The following NPAS3 variants were observed in gnomAD, a reference collection of about 807,000 sequenced individuals.
NPAS3 encodes the protein neuronal PAS domain-containing protein 3.
NPAS3 carries 14 observed loss-of-function variants against 73.1 expected under a neutral mutation model. The ratio of observed to expected loss-of-function variants is 0.19; its 90% CI spans 0.13 to 0.30. The LOEUF (loss-of-function observed/expected upper bound fraction) is 0.30, where lower values mean the gene tolerates loss of function less well. NPAS3 is among the 10% of genes least tolerant of loss of function. NPAS3 has a pLI of 1.00. For synonymous variants in NPAS3, 620 were observed against 541.5 expected, an observed-to-expected ratio of 1.14 and a Z score of -2.01; for missense variants, 1,096 against 1,250.0, an observed-to-expected ratio of 0.88 and a Z score of 1.86.
rs75597192 is a variant in NPAS3, at chr14:33,324,196, T to C, written c.386-42990T>C. 8.3e-3 allele frequency among the ~76,000 whole-genome samples: 1,265 copies of C among 152,288 alleles called. 21 individuals are homozygous for C. The highest frequency in any genetic ancestry group is 0.027 in the African/African-American group (1,106 of 41,554). ...GAGCATTTGCACACTGTTAATTGAATTGGCAATTTGTGTAACAGTGCCTGC... is the reference window on the plus strand; with the variant it reads ...GAGCATTTGCACACTGTTAATTGAACTGGCAATTTGTGTAACAGTGCCTGC... On this transcript the variant is annotated intron_variant, in intron 3 of 11. Coordinates refer to ENST00000356141, the Ensembl canonical transcript of NPAS3.
At chr14:33,462,509 C>T (rs141154349) in intron 4 of NPAS3, among the ~76,000 whole-genome samples, 5 of 152,170 alleles carry the variant, frequency 3.3e-5, no homozygotes, top group South Asian at 4.1e-4. Context: ...ACATAGACGG[C>T]GACTGTTCTG....
intron 6 of NPAS3, chr14:33,680,615 C>A (rs1566415366): frequency 1.4e-6 from 1 of 702,514 alleles, no homozygotes; most frequent in Non-Finnish European, 2.6e-6. Flanking sequence ...GTTTGCTTCC[C>A]ACCAGCGAGT....
chr14:33,219,471 T>C (rs2047343118), intron 3 of NPAS3, among the ~76,000 whole-genome samples: 1 of 152,196 alleles, frequency 6.6e-6, no homozygotes, highest in South Asian at 2.1e-4. Flanking sequence ...CTAAAATATG[T>C]AAAGTATAAG....
intron 3 of NPAS3, among the ~76,000 whole-genome samples, chr14:33,244,204 A>C (rs908822561): frequency 2.6e-5 from 4 of 151,614 alleles, no homozygotes; most frequent in Non-Finnish European, 4.4e-5. Flanking sequence ...GTTGGTTCCC[A>C]TTGTTATAAT....
Position 33,301,317 on chromosome 14 carries a change from T to C in NPAS3, c.386-65869T>C, listed in dbSNP as rs891176178. On this transcript the variant is annotated intron_variant, in intron 3 of 11. Transcript: ENST00000356141. ...CCTAGGTTTTATCATTATATATATA[T>C]ATATATTTTTTTTTTTTAAATCTAG... Among the ~76,000 whole-genome samples the C allele has an allele frequency of 2.7e-4, 26 of 97,170 alleles. 4 individuals are homozygous for C. The highest frequency in any genetic ancestry group is 9.1e-3 in the Middle Eastern group (2 of 220). The allele number at this position is 97,170 out of a possible 152,430, so 63.7% of individuals were successfully genotyped here.
intron 3 of NPAS3, among the ~76,000 whole-genome samples, chr14:33,360,095 G>A (rs372439323): frequency 2.5e-3 from 380 of 152,276 alleles, no homozygotes; most frequent in African/African-American, 8.7e-3. Context: ...GGCCTGCCTC[G>A]CCCAGTGGAC....
chr14:33,035,478 G>A (rs989274392), intron 1 of NPAS3, among the ~76,000 whole-genome samples: 2 of 152,136 alleles, frequency 1.3e-5, no homozygotes, highest in African/African-American at 4.8e-5. Flanking sequence ...TGTAAGCTCA[G>A]TCTTACACAT....
chr14:33,173,451 A>T (rs973180089), intron 2 of NPAS3, among the ~76,000 whole-genome samples: 2 of 152,200 alleles, frequency 1.3e-5, no homozygotes, highest in Non-Finnish European at 2.9e-5. Flanking sequence ...GCAGAGAGAG[A>T]TAGAGATAAA....
At chr14:33,085,504 A>C (rs1159182017) in intron 2 of NPAS3, among the ~76,000 whole-genome samples, 1 of 152,198 alleles carries the variant, frequency 6.6e-6, no homozygotes, top group African/African-American at 2.4e-5. Flanking sequence ...TTTACATGGG[A>C]AAAATCTATT....
At chr14:33,326,550 A>G (rs2043716902) in intron 3 of NPAS3, among the ~76,000 whole-genome samples, 1 of 152,232 alleles carries the variant, frequency 6.6e-6, no homozygotes, top group East Asian at 1.9e-4. Context: ...TGCATGTGTG[A>G]CAATAAAATG....
chr14:33,357,268 A>G (rs369126197), intron 3 of NPAS3, among the ~76,000 whole-genome samples: 2 of 152,244 alleles, frequency 1.3e-5, no homozygotes, highest in African/African-American at 2.4e-5. Context: ...TGAGGCATTC[A>G]GCATCTTAAA....
At chr14:33,605,560 C>A (rs1417809021) in intron 5 of NPAS3, among the ~76,000 whole-genome samples, 1 of 151,782 alleles carries the variant, frequency 6.6e-6, no homozygotes, top group East Asian at 1.9e-4. Flanking sequence ...GATCAATATA[C>A]AAAAATCAAG....
chr14:33,667,799 C>T (rs2059496870), intron 5 of NPAS3, among the ~76,000 whole-genome samples: 5 of 152,088 alleles, frequency 3.3e-5, no homozygotes, highest in Admixed American at 3.3e-4. Context: ...AATTTTGTTC[C>T]TTCTTGTTCT....
intron 2 of NPAS3, among the ~76,000 whole-genome samples, chr14:33,181,201 T>C (rs984404455): frequency 9.9e-5 from 15 of 152,162 alleles, no homozygotes; most frequent in Non-Finnish European, 1.3e-4. Flanking sequence ...AGGCCGTTAG[T>C]ATGAATGAGT....
intron 3 of NPAS3, among the ~76,000 whole-genome samples, chr14:33,222,756 A>AT (rs1476068113): frequency 6.6e-6 from 1 of 152,182 alleles, no homozygotes; most frequent in African/African-American, 2.4e-5. Flanking sequence ...ATATCTTGGG[A>AT]TTACTATTAG....
chr14:33,225,312 A>G (rs2047588426), intron 3 of NPAS3, among the ~76,000 whole-genome samples: 2 of 152,260 alleles, frequency 1.3e-5, no homozygotes, highest in African/African-American at 4.8e-5. Flanking sequence ...ACATGAGCAC[A>G]GGTGCTCTGG....
At chr14:32,952,667 T>C (rs958399268) in intron 1 of NPAS3, among the ~76,000 whole-genome samples, 1 of 152,124 alleles carries the variant, frequency 6.6e-6, no homozygotes, top group African/African-American at 2.4e-5. Context: ...TAAATACCTG[T>C]GTTGTACATA....
At chr14:33,755,912 T>G (rs1276226895) in intron 7 of NPAS3, among the ~76,000 whole-genome samples, 6 of 151,702 alleles carry the variant, frequency 4.0e-5, no homozygotes, top group Admixed American at 3.9e-4. Flanking sequence ...CAGTGGGAGG[T>G]GCCAGGTCTT....
At chr14:33,551,817 T>C (rs1480614904) in intron 4 of NPAS3, among the ~76,000 whole-genome samples, 1 of 152,188 alleles carries the variant, frequency 6.6e-6, no homozygotes, top group Non-Finnish European at 1.5e-5. Context: ...CTTCAAAGTC[T>C]GGTGGTCTTT....
Sources: allele counts gnomAD v4.1 joint callset (sites outside exome capture counted in the v4.1 genomes callset), GRCh38; gene constraint gnomAD v4.1.1; transcripts MANE v1.5; gene names NCBI Gene and HGNC (gene_info 2026-07-23, HGNC 2026-07-21).